Variants in BTBD9 observed in about 807,000 individuals in gnomAD.
BTBD9 encodes BTB domain containing 9.
BTBD9 carries 49 observed loss-of-function variants against 64.3 expected under a neutral mutation model. The observed-to-expected ratio is 0.76, with a 90% confidence interval of 0.61 to 0.97. The LOEUF (loss-of-function observed/expected upper bound fraction) is 0.97, where lower values mean the gene tolerates loss of function less well. Ranked by LOEUF, BTBD9 falls within the 50% of genes least tolerant of loss-of-function variation. The pLI is 0.00. For missense variants in BTBD9, 598 were observed against 762.1 expected, an observed-to-expected ratio of 0.78 and a Z score of 2.53; for synonymous variants, 260 against 274.7, an observed-to-expected ratio of 0.95 and a Z score of 0.53.
intron 8 of BTBD9, among the ~76,000 whole-genome samples, chr6:38,277,014 G>A (rs1217071716): frequency 1.3e-5 from 2 of 152,154 alleles, no homozygotes; most frequent in Non-Finnish European, 2.9e-5. Context: ...GACAATTTAG[G>A]TAAGAGTTTG....
At chr6:38,274,235 C>T (rs1335552343) in intron 8 of BTBD9, among the ~76,000 whole-genome samples, 2 of 152,164 alleles carry the variant, frequency 1.3e-5, no homozygotes, top group Non-Finnish European at 2.9e-5. Flanking sequence ...ATTTTGTATC[C>T]TAAGACTTTG....
intron 1 of BTBD9, among the ~76,000 whole-genome samples, chr6:38,629,086 A>G (rs1275519304): frequency 6.6e-6 from 1 of 152,212 alleles, no homozygotes; most frequent in African/African-American, 2.4e-5. Flanking sequence ...GAATAACATA[A>G]GAATCCATGA....
At chr6:38,514,293 C>T (rs1281425182) in intron 6 of BTBD9, among the ~76,000 whole-genome samples, 1 of 152,210 alleles carries the variant, frequency 6.6e-6, no homozygotes, top group Non-Finnish European at 1.5e-5. Flanking sequence ...CATCGTACTG[C>T]TATTATTCCT....
intron 9 of BTBD9, among the ~76,000 whole-genome samples, chr6:38,237,801 C>T (rs1014001350): frequency 2.6e-5 from 4 of 151,278 alleles, no homozygotes; most frequent in Admixed American, 1.3e-4. Flanking sequence ...CAATGTAAAG[C>T]ATTTGTCTGT....
chr6:38,505,461 T>C (rs150204587), intron 6 of BTBD9, among the ~76,000 whole-genome samples: 233 of 151,702 alleles, frequency 1.5e-3, no homozygotes, highest in African/African-American at 5.3e-3. Context: ...CCCACCTCTA[T>C]TAAAAATACA....
Position 38,265,535 on chromosome 6 carries a change from T to C in BTBD9, c.1455-9019A>G, listed in dbSNP as rs188523592. 4.9e-3 allele frequency among the ~76,000 whole-genome samples: 726 copies of C among 149,270 alleles called. 9 individuals are homozygous for C. Among genetic ancestry groups the C allele is most frequent in the African/African-American group, 0.017 (694 of 40,516 alleles). ...TTTTTTTTTTAAGACAGGGTCTCAA[T>C]CTGTTGCCCAGGCTGGAGTTCAGTG... On this transcript the variant is annotated intron_variant, in intron 8 of 10. Transcript: ENST00000481247.
intron 1 of BTBD9, among the ~76,000 whole-genome samples, chr6:38,637,351 A>C (rs756290015): frequency 9.9e-5 from 15 of 152,184 alleles, no homozygotes; most frequent in Non-Finnish European, 1.8e-4. Flanking sequence ...TGCAGTTGTA[A>C]CTTTACACAT....
At chr6:38,487,821 A>G (rs983978674) in intron 6 of BTBD9, among the ~76,000 whole-genome samples, 3 of 152,214 alleles carry the variant, frequency 2.0e-5, no homozygotes, top group African/African-American at 7.2e-5. Context: ...AGCCAAAAAT[A>G]AATTTTATAT....
At chr6:38,617,664 C>A (rs1777837194) in intron 1 of BTBD9, among the ~76,000 whole-genome samples, 1 of 152,134 alleles carries the variant, frequency 6.6e-6, no homozygotes, top group African/African-American at 2.4e-5. Flanking sequence ...ATTACAGACT[C>A]CAAAATTGGG....
At chr6:38,407,889 TTCAAGGTCC>T (rs1490401331) in intron 6 of BTBD9, among the ~76,000 whole-genome samples, 30 of 152,190 alleles carry the variant, frequency 2.0e-4, no homozygotes, top group African/African-American at 7.0e-4. Flanking sequence ...AATCCCTGCA[TTCAAGGTCC>T]TCAATGGAAC....
At position 38,239,438 on chromosome 6, in the gene BTBD9, CAAA is replaced by C. The variant is rs750690746; in HGVS notation, c.1562+16968_1562+16970del. ...CTGGCGACAGAGCAAGACTCTGTCT[CAAA>C]AAAAAAAAAAAAAAAAAAAGATATA... On this transcript the variant is annotated intron_variant, in intron 9 of 10. Transcript: ENST00000481247. 6.2e-3 allele frequency among the ~76,000 whole-genome samples: 364 copies of C among 59,040 alleles called. 3 individuals are homozygous for C. Among genetic ancestry groups the C allele is most frequent in the African/African-American group, 0.022 (325 of 14,852 alleles). 38.7% of individuals were successfully genotyped at this position (59,040 alleles called of 152,430 possible). A position where few individuals can be genotyped will look rare whatever the true frequency, so the allele number is the denominator to read the frequency against.
At chr6:38,447,557 AG>A (rs926734672) in intron 6 of BTBD9, among the ~76,000 whole-genome samples, 1 of 152,246 alleles carries the variant, frequency 6.6e-6, no homozygotes, top group African/African-American at 2.4e-5. Flanking sequence ...ATGTTGCTAA[AG>A]AGCAAGAAAG....
intron 9 of BTBD9, among the ~76,000 whole-genome samples, chr6:38,202,611 A>G (rs576924718): frequency 2.6e-5 from 4 of 152,170 alleles, no homozygotes; most frequent in Admixed American, 2.0e-4. Context: ...ATAAATCCAC[A>G]TATCTACAGC....
intron 6 of BTBD9, among the ~76,000 whole-genome samples, chr6:38,560,680 A>C (rs951353318): frequency 3.3e-5 from 5 of 152,134 alleles, no homozygotes; most frequent in African/African-American, 1.2e-4. Context: ...TTCACCACCT[A>C]GGTACCCATT....
At chr6:38,402,444 C>T (rs575888089) in intron 6 of BTBD9, among the ~76,000 whole-genome samples, 3 of 151,826 alleles carry the variant, frequency 2.0e-5, no homozygotes, top group Non-Finnish European at 2.9e-5. Context: ...TTATGACAGA[C>T]CACAGTAATC....
At chr6:38,240,162 C>T (rs1763945634) in intron 9 of BTBD9, among the ~76,000 whole-genome samples, 1 of 152,158 alleles carries the variant, frequency 6.6e-6, no homozygotes, top group South Asian at 2.1e-4. Flanking sequence ...AAGGCCAGGC[C>T]CATTCCATCT....
chr6:38,189,012 G>A (rs1382505992), intron 10 of BTBD9, among the ~76,000 whole-genome samples: 4 of 152,156 alleles, frequency 2.6e-5, no homozygotes, highest in Non-Finnish European at 5.9e-5. Flanking sequence ...AGCCAGCTGA[G>A]ACAGCTGCTG....
chr6:38,630,216 A>G (rs1185173185), intron 1 of BTBD9, among the ~76,000 whole-genome samples: 2 of 151,710 alleles, frequency 1.3e-5, no homozygotes, highest in East Asian at 1.9e-4. Flanking sequence ...AAAAAAAAAA[A>G]AGGAGACCAA....
At chr6:38,377,745 TC>T in intron 6 of BTBD9, among the ~76,000 whole-genome samples, 1 of 152,218 alleles carries the variant, frequency 6.6e-6, no homozygotes, top group Non-Finnish European at 1.5e-5. Flanking sequence ...GTTCCTATCT[TC>T]TTTTTCATAA....
Sources: allele counts gnomAD v4.1 joint callset (sites outside exome capture counted in the v4.1 genomes callset), GRCh38; gene constraint gnomAD v4.1.1; transcripts MANE v1.5; gene names NCBI Gene and HGNC (gene_info 2026-07-23, HGNC 2026-07-21).